Variants in TRIM14 observed in about 807,000 individuals in gnomAD.
TRIM14 encodes tripartite motif-containing protein 14.
In TRIM14, 28 loss-of-function variants were observed where a neutral mutation model predicts 44.5. That is an observed-to-expected ratio of 0.63 (90% CI 0.47 to 0.86). The LOEUF is 0.86. Among genes scored for constraint, TRIM14 ranks in the 40% least tolerant of loss-of-function variants. The probability of loss-of-function intolerance (pLI) is 0.00; values close to 1 mark genes in which losing one functional copy is unlikely to be tolerated. For synonymous variants in TRIM14, 299 were observed against 269.2 expected (o/e 1.11, Z -1.08); for missense variants, 607 against 611.1 (o/e 0.99, Z 0.07).
At chr9:98,105,036 G>A (rs1321226643) in intron 2 of TRIM14, among the ~76,000 whole-genome samples, 2 of 152,180 alleles carry the variant, frequency 1.3e-5, no homozygotes, top group African/African-American at 2.4e-5. Flanking sequence ...GAGTGGCCAT[G>A]CCCAGCAGGG....
At chr9:98,063,860 A>G in the TRIM14 span, among the ~76,000 whole-genome samples, 1 of 150,378 alleles carries the variant, frequency 6.6e-6, no homozygotes, top group African/African-American at 2.4e-5. Flanking sequence ...TTGTGCTAAT[A>G]AGTAGTGCTG....
chr9:98,042,272 G>A, the TRIM14 span, among the ~76,000 whole-genome samples: 6 of 134,224 alleles, frequency 4.5e-5, no homozygotes, highest in East Asian at 2.1e-4. Flanking sequence ...CAGCCCAGGC[G>A]AACGTGCCAG....
the TRIM14 span, among the ~76,000 whole-genome samples, chr9:98,038,858 G>A: frequency 1.3e-5 from 2 of 151,946 alleles, no homozygotes; most frequent in Non-Finnish European, 2.9e-5. Context: ...AGACCAGTCT[G>A]GCCAGCATAG....
intron 6 of TRIM14, chr9:98,069,827 C>T (rs534367723): frequency 2.0e-5 from 3 of 152,132 alleles, no homozygotes; most frequent in South Asian, 2.1e-4. Context: ...GTATGGTGAC[C>T]GTGGCAGTGC....
chr9:98,078,350 G>A (rs1323960172), intron 6 of TRIM14: 29 of 1,613,346 alleles, frequency 1.8e-5, no homozygotes, highest in East Asian at 2.2e-5. Flanking sequence ...TCATCTCGGT[G>A]AGCAGGAGGG....
At position 98,109,959 on chromosome 9, in the gene TRIM14, T is replaced by C. The variant is rs1260529008; in HGVS notation, c.233A>G (p.Gln78Arg). 1 of 1,614,044 alleles carries C rather than the reference T, an allele frequency of 6.2e-7. No homozygotes were observed. The highest frequency in any genetic ancestry group is 8.5e-7 in the Non-Finnish European group (1 of 1,180,016). Reference protein sequence around the residue: ...VQKLSQECLKQLAIKKQQHID... With the variant: ...VQKLSQECLKRLAIKKQQHID... ...GTGCTGCTGCTTCTTGATTGCCAGC[T>C]GCTTTAAACATTCTTGGCTGAGTTT... The change falls in exon 2 of 6, where the codon CAG (glutamine) becomes CGG (arginine). Residue 78 changes from glutamine to arginine, a missense_variant. Physicochemically the swap from Gln to Arg is conservative, Grantham distance 43. Transcript: ENST00000341469.
At chr9:98,115,666 G>A (rs1274682800) in intron 1 of TRIM14, among the ~76,000 whole-genome samples, 1 of 152,142 alleles carries the variant, frequency 6.6e-6, no homozygotes, top group Non-Finnish European at 1.5e-5. Context: ...TTACAGGCGT[G>A]AGCCACCGCA....
chr9:98,102,090 C>A (rs2417729), intron 2 of TRIM14, among the ~76,000 whole-genome samples: 2 of 150,986 alleles, frequency 1.3e-5, no homozygotes, highest in African/African-American at 2.4e-5. Flanking sequence ...CAGTGGGGAG[C>A]GAACGTTCTG....
At chr9:98,039,973 T>A in the TRIM14 span, among the ~76,000 whole-genome samples, 1 of 152,108 alleles carries the variant, frequency 6.6e-6, no homozygotes, top group Admixed American at 6.6e-5. Context: ...CCCTGGGTGG[T>A]TACAGGACCA....
the TRIM14 span, among the ~76,000 whole-genome samples, chr9:98,056,415 T>A: frequency 6.6e-6 from 1 of 152,196 alleles, no homozygotes; most frequent in African/African-American, 2.4e-5. Context: ...GCTCTCCCCA[T>A]GCTCCTGAGA....
chr9:98,087,524 G>A lies in TRIM14; in HGVS notation c.1275C>T (p.Leu425=), dbSNP rs775449244. The A allele has an allele frequency of 1.3e-6, 2 of 1,598,458 alleles. No individual in the cohort carries two copies. The highest frequency in any genetic ancestry group is 1.3e-5 in the African/African-American group (1 of 74,730). ...CCTCCCAGAGCCGCAGGGCCGGGTAGAGCGGCTCCTGGAACGTGGCGCGGA... is the reference window on the plus strand; with the variant it reads ...CCTCCCAGAGCCGCAGGGCCGGGTAAAGCGGCTCCTGGAACGTGGCGCGGA... ...HTFRATFQEP[L]YPALRLWEGA... Residue 425 remains leucine (L), a synonymous_variant, in exon 6 of 6, where the codon CTC becomes CTT. Coordinates refer to ENST00000341469, the MANE Select transcript of TRIM14 (RefSeq NM_014788.4).
At position 98,087,750 on chromosome 9, in the gene TRIM14, G is replaced by A. The variant is rs1165822710; in HGVS notation, c.1049C>T (p.Ser350Leu). ...AYASLRRRGA[S>L]AAARLGCNRQ... ...GTTGCAGCCCAGGCGGGCGGCGGCC[G>A]AGGCCCCGCGGCGCCGAAGGGAGGC... The change falls in exon 6 of 6, where the codon TCG becomes TTG. Residue 350 changes from serine to leucine, a missense_variant. This residue lies in a region of TRIM14 where 356 missense variants were observed against 323.0 expected (regional missense o/e 1.10). Coordinates refer to ENST00000341469, the MANE Select transcript of TRIM14 (RefSeq NM_014788.4). 9 of 1,548,550 alleles carry A rather than the reference G, an allele frequency of 5.8e-6. No individual in the cohort carries two copies. Among genetic ancestry groups the A allele is most frequent in the South Asian group, 2.4e-5 (2 of 84,572 alleles).
At chr9:98,092,834 T>C (rs938883212) in intron 4 of TRIM14, among the ~76,000 whole-genome samples, 7 of 152,208 alleles carry the variant, frequency 4.6e-5, no homozygotes, top group African/African-American at 1.4e-4. Flanking sequence ...GTCGCTTTCC[T>C]TTTTCTGTCC....
downstream of TRIM14, among the ~76,000 whole-genome samples, chr9:98,067,129 A>G (rs1264445555): frequency 6.6e-6 from 1 of 152,156 alleles, no homozygotes; most frequent in African/African-American, 2.4e-5. Flanking sequence ...TTTTATGGCT[A>G]TACTACATTT....
chr9:98,056,882 T>C, the TRIM14 span: 1 of 1,611,542 alleles, frequency 6.2e-7, no homozygotes, highest in Non-Finnish European at 8.5e-7. Context: ...ATTGCCGAGA[T>C]CGGCCAGAAC....
At chr9:98,040,208 A>G in the TRIM14 span, among the ~76,000 whole-genome samples, 1 of 151,020 alleles carries the variant, frequency 6.6e-6, no homozygotes, top group East Asian at 2.0e-4. Flanking sequence ...GAACCCCTCA[A>G]CTCTTTGGAT....
At chr9:98,065,012 A>G (rs1829094919), downstream of TRIM14, among the ~76,000 whole-genome samples, 1 of 152,184 alleles carries the variant, frequency 6.6e-6, no homozygotes, top group Non-Finnish European at 1.5e-5. Flanking sequence ...AACCTGGGGC[A>G]GGGGCCTCAC....
At chr9:98,094,758 G>T in intron 4 of TRIM14, 109 bp downstream of exon 4, 1 of 1,338,616 alleles carries the variant, frequency 7.5e-7, no homozygotes, top group Non-Finnish European at 1.0e-6. Context: ...CCAGCCAAGG[G>T]CCTCAGTGTG....
rs1325372116 is a variant in TRIM14 at position 98,109,940 on chromosome 9, C to G, written c.252G>C (p.Gln84His). The G allele has an allele frequency of 1.2e-6, 2 of 1,613,976 alleles. No individual in the cohort carries two copies. The highest frequency in any genetic ancestry group is 1.7e-6 in the Non-Finnish European group (2 of 1,179,970). ...TCTGGGTTATGTTGTCAATGTGCTGCTGCTTCTTGATTGCCAGCTGCTTTA... is the reference window on the plus strand; with the variant it reads ...TCTGGGTTATGTTGTCAATGTGCTGGTGCTTCTTGATTGCCAGCTGCTTTA... ...ECLKQLAIKKQQHIDNITQIE... is the reference protein window; with the variant it reads ...ECLKQLAIKKHQHIDNITQIE... The change falls in exon 2 of 6, where the codon CAG becomes CAC. Residue 84 changes from glutamine to histidine, a missense_variant. Coordinates refer to ENST00000341469, the MANE Select transcript of TRIM14 (RefSeq NM_014788.4).
Sources: allele counts gnomAD v4.1 joint callset (sites outside exome capture counted in the v4.1 genomes callset), GRCh38; gene constraint gnomAD v4.1.1; regional missense constraint gnomAD v4.1.1; transcripts MANE v1.5; gene names NCBI Gene and HGNC (gene_info 2026-07-23, HGNC 2026-07-21).